The following GPR158 variants were observed in gnomAD, a reference collection of about 807,000 sequenced individuals.
GPR158 encodes metabotropic glycine receptor.
A neutral mutation model predicts 78.2 loss-of-function variants in GPR158; 30 were observed. The observed-to-expected ratio is 0.38, with a 90% confidence interval of 0.29 to 0.52. GPR158 has a LOEUF of 0.52. Ranked by LOEUF, GPR158 falls within the 20% of genes least tolerant of loss-of-function variation. GPR158 has a pLI of 0.83. For synonymous variants in GPR158, 581 were observed against 591.1 expected (o/e 0.98, Z 0.25); for missense variants, 1,463 against 1,523.5 (o/e 0.96, Z 0.66).
chr10:25,423,124 T>TATAC (rs1834775018), intron 4 of GPR158, among the ~76,000 whole-genome samples: 1 of 129,436 alleles, frequency 7.7e-6, no homozygotes, highest in African/African-American at 2.9e-5. Context: ...TATATACATA[T>TATAC]ATATGTATAT....
intron 4 of GPR158, among the ~76,000 whole-genome samples, chr10:25,437,702 G>A (rs1460389016): frequency 6.6e-6 from 1 of 152,094 alleles, no homozygotes; most frequent in African/African-American, 2.4e-5. Flanking sequence ...TGTCTGAGCA[G>A]TTTCTGAGCA....
chr10:25,243,229 G>A (rs1853648802), intron 2 of GPR158, among the ~76,000 whole-genome samples: 1 of 152,164 alleles, frequency 6.6e-6, no homozygotes, highest in South Asian at 2.1e-4. Context: ...ATCTGGCCTA[G>A]AATGTTTCTT....
chr10:25,224,758 T>G (rs1345160575), intron 2 of GPR158, among the ~76,000 whole-genome samples: 62 of 152,260 alleles, frequency 4.1e-4, no homozygotes, highest in African/African-American at 1.2e-3. Context: ...GCTACCAATT[T>G]TTGCAGAGGT....
At chr10:25,414,604 A>G (rs1379345967) in intron 4 of GPR158, among the ~76,000 whole-genome samples, 1 of 152,180 alleles carries the variant, frequency 6.6e-6, no homozygotes, top group Non-Finnish European at 1.5e-5. Context: ...TAAAAATGAT[A>G]GAACATTCCA....
chr10:25,432,761 T>G (rs935404931), intron 4 of GPR158, among the ~76,000 whole-genome samples: 13 of 152,152 alleles, frequency 8.5e-5, no homozygotes, highest in African/African-American at 2.7e-4. Flanking sequence ...TCTGCTTGCC[T>G]TCCTCCATTC....
At chr10:25,428,797 T>C (rs1453932908) in intron 4 of GPR158, among the ~76,000 whole-genome samples, 1 of 152,100 alleles carries the variant, frequency 6.6e-6, no homozygotes, top group Non-Finnish European at 1.5e-5. Flanking sequence ...AATATTTGAT[T>C]ATGTAACGCG....
chr10:25,417,248 T>C (rs796222348), intron 4 of GPR158, among the ~76,000 whole-genome samples: 18 of 152,334 alleles, frequency 1.2e-4, no homozygotes, highest in African/African-American at 4.1e-4. Flanking sequence ...TGTGTGCTGA[T>C]GTTTGAATAC....
At chr10:25,243,437 T>C (rs1025413222) in intron 2 of GPR158, among the ~76,000 whole-genome samples, 1 of 152,210 alleles carries the variant, frequency 6.6e-6, no homozygotes, top group Non-Finnish European at 1.5e-5. Flanking sequence ...GTGGATCTTT[T>C]TGGAAGGCCT....
intron 2 of GPR158, among the ~76,000 whole-genome samples, chr10:25,262,163 T>G (rs942882408): frequency 3.3e-5 from 5 of 152,134 alleles, no homozygotes; most frequent in African/African-American, 1.2e-4. Flanking sequence ...AAAAGGTATT[T>G]CCCACAGTGA....
At chr10:25,574,302 T>C (rs184569435) in intron 7 of GPR158, among the ~76,000 whole-genome samples, 2 of 152,234 alleles carry the variant, frequency 1.3e-5, no homozygotes, top group East Asian at 3.9e-4. Flanking sequence ...GAGGATCATA[T>C]TTGTGATTTC....
intron 8 of GPR158, among the ~76,000 whole-genome samples, chr10:25,589,914 CAT>C (rs1271353374): frequency 6.6e-6 from 1 of 152,210 alleles, no homozygotes; most frequent in Non-Finnish European, 1.5e-5. Context: ...AAAAAGATGT[CAT>C]TCAATTGCTT....
chr10:25,466,600 C>A, intron 4 of GPR158, 51 bp from the exon 5 acceptor site: 1 of 1,184,308 alleles, frequency 8.4e-7, no homozygotes, highest in South Asian at 1.3e-5. Flanking sequence ...CGTGAATTCT[C>A]CAGGCTTAGA....
At chr10:25,253,866 T>C (rs998034825) in intron 2 of GPR158, among the ~76,000 whole-genome samples, 2 of 152,214 alleles carry the variant, frequency 1.3e-5, no homozygotes, top group Non-Finnish European at 2.9e-5. Context: ...TGTCCACTGC[T>C]CTTTGCCAAT....
chr10:25,528,075 A>G (rs1836374044), intron 5 of GPR158, among the ~76,000 whole-genome samples: 3 of 152,084 alleles, frequency 2.0e-5, no homozygotes, highest in Admixed American at 6.5e-5. Context: ...AGACAAAGAT[A>G]TCTTTAGCTA....
intron 2 of GPR158, among the ~76,000 whole-genome samples, chr10:25,289,439 T>G (rs1253372218): frequency 1.3e-5 from 2 of 151,512 alleles, no homozygotes; most frequent in East Asian, 1.9e-4. Context: ...AAATTTTTAT[T>G]TTTATTTTTT....
chr10:25,195,685 C>T (rs1012717060), intron 1 of GPR158, among the ~76,000 whole-genome samples: 2 of 152,150 alleles, frequency 1.3e-5, no homozygotes, highest in African/African-American at 4.8e-5. Context: ...GTGTTGGATG[C>T]AAGCCTTCTT....
At chr10:25,285,043 T>G (rs1050512869) in intron 2 of GPR158, among the ~76,000 whole-genome samples, 1 of 149,978 alleles carries the variant, frequency 6.7e-6, no homozygotes, top group Non-Finnish European at 1.5e-5. Context: ...ATTTTTCCCT[T>G]ACTGCATTTC....
At chr10:25,195,621 C>G (rs939735951) in intron 1 of GPR158, among the ~76,000 whole-genome samples, 1 of 152,220 alleles carries the variant, frequency 6.6e-6, no homozygotes, top group Non-Finnish European at 1.5e-5. Flanking sequence ...TGCAGAACAA[C>G]TATCATGGAC....
intron 6 of GPR158, among the ~76,000 whole-genome samples, chr10:25,562,400 CT>C (rs1398998116): frequency 6.6e-6 from 1 of 152,086 alleles, no homozygotes. Flanking sequence ...AGGTTATTGA[CT>C]TTTTTCATAT....
Sources: allele counts gnomAD v4.1 joint callset (sites outside exome capture counted in the v4.1 genomes callset), GRCh38; gene constraint gnomAD v4.1.1; transcripts MANE v1.5; gene names NCBI Gene and HGNC (gene_info 2026-07-23, HGNC 2026-07-21).